Variants in WWOX observed in about 807,000 individuals in gnomAD.
WWOX encodes WW domain containing oxidoreductase.
In WWOX, 69 loss-of-function variants were observed where a neutral mutation model predicts 46.2. The ratio of observed to expected loss-of-function variants is 1.49; its 90% CI spans 1.23 to 1.82. The LOEUF is 1.82. Ranked by LOEUF, WWOX falls within the 40% of genes most tolerant of loss-of-function variation. WWOX has a pLI of 0.00. For missense variants in WWOX, 919 were observed against 542.6 expected (o/e 1.69, Z -6.89); for synonymous variants, 359 against 202.6 (o/e 1.77, Z -6.56).
At chr16:78,457,555 A>G (rs374762694) in intron 8 of WWOX, among the ~76,000 whole-genome samples, 237 of 152,186 alleles carry the variant, frequency 1.6e-3, no homozygotes, top group African/African-American at 5.5e-3. Context: ...GGAAATCTTA[A>G]CAGCCGTTTT....
chr16:79,026,703 C>G (rs756266569), intron 8 of WWOX, among the ~76,000 whole-genome samples: 27 of 149,110 alleles, frequency 1.8e-4, no homozygotes, highest in Non-Finnish European at 3.0e-4. Context: ...CTGCAACCTC[C>G]GCCTCCCGGG....
intron 8 of WWOX, among the ~76,000 whole-genome samples, chr16:78,540,717 C>T (rs868165510): frequency 4.6e-5 from 7 of 151,878 alleles, no homozygotes; most frequent in African/African-American, 1.7e-4. Context: ...AATGGGGTCT[C>T]ATTCTGTTGC....
At chr16:78,906,752 T>A (rs2044975845) in intron 8 of WWOX, among the ~76,000 whole-genome samples, 1 of 152,182 alleles carries the variant, frequency 6.6e-6, no homozygotes, top group Non-Finnish European at 1.5e-5. Context: ...TCCTTTAACT[T>A]GAAATTGTTT....
intron 5 of WWOX, among the ~76,000 whole-genome samples, chr16:78,343,937 G>A (rs534398006): frequency 8.3e-6 from 1 of 120,502 alleles, no homozygotes; most frequent in Admixed American, 8.1e-5. Flanking sequence ...TAGTCTAAAT[G>A]TGGTTGCATC....
At chr16:78,866,888 ATCAGGGC>A (rs1331181337) in intron 8 of WWOX, among the ~76,000 whole-genome samples, 13 of 152,226 alleles carry the variant, frequency 8.5e-5, no homozygotes, top group African/African-American at 3.1e-4. Flanking sequence ...AGCCTGCAGC[ATCAGGGC>A]TGAGGAGCAA....
chr16:78,259,886 A>G lies in WWOX; in HGVS notation c.516+95597A>G, dbSNP rs139415820. 5.3e-5 allele frequency among the ~76,000 whole-genome samples: 8 copies of G among 151,554 alleles called. 1 individual carries two copies. Among genetic ancestry groups the G allele is most frequent in the African/African-American group, 1.7e-4 (7 of 41,200 alleles). ...ATGTTTATGCTTATATTATTTATAG[A>G]CTTTTAAAAAACTTAAAATATTTAA... On this transcript the variant is annotated intron_variant, in intron 5 of 8. Transcript: ENST00000566780.
chr16:78,464,002 G>A (rs1050060239), intron 8 of WWOX, among the ~76,000 whole-genome samples: 1 of 152,156 alleles, frequency 6.6e-6, no homozygotes, highest in East Asian at 1.9e-4. Context: ...TGATCTGGCG[G>A]TCAGAACCTA....
intron 5 of WWOX, among the ~76,000 whole-genome samples, chr16:78,268,814 TA>T (rs2079419247): frequency 6.6e-6 from 1 of 152,200 alleles, no homozygotes; most frequent in Non-Finnish European, 1.5e-5. Context: ...TTTTTAATTA[TA>T]AAAGAACATT....
intron 1 of WWOX, among the ~76,000 whole-genome samples, chr16:78,106,427 T>TTTG (rs978464197): frequency 1.4e-5 from 2 of 147,090 alleles, no homozygotes; most frequent in Non-Finnish European, 3.0e-5. Flanking sequence ...TTTTGTTTTT[T>TTTG]TTTTTTTTTT....
chr16:78,326,035 A>C (rs928203777), intron 5 of WWOX, among the ~76,000 whole-genome samples: 1 of 152,174 alleles, frequency 6.6e-6, no homozygotes, highest in African/African-American at 2.4e-5. Flanking sequence ...GTTATCTAGC[A>C]TTGTACCCTT....
chr16:78,251,680 C>T (rs1454414405), intron 5 of WWOX, among the ~76,000 whole-genome samples: 11 of 152,194 alleles, frequency 7.2e-5, no homozygotes, highest in Admixed American at 7.2e-4. Flanking sequence ...GCTTTGGGAA[C>T]ACATGGTGTC....
At chr16:78,587,801 A>G (rs182426457) in intron 8 of WWOX, among the ~76,000 whole-genome samples, 46 of 152,258 alleles carry the variant, frequency 3.0e-4, no homozygotes, top group African/African-American at 9.9e-4. Flanking sequence ...TTAGGCCAGG[A>G]CTTTTTCCTG....
chr16:79,123,309 C>G (rs1014214642), intron 8 of WWOX, among the ~76,000 whole-genome samples: 15 of 152,136 alleles, frequency 9.9e-5, no homozygotes, highest in African/African-American at 3.6e-4. Flanking sequence ...CTAGGATTAC[C>G]AACGTAGGCG....
At position 78,251,199 on chromosome 16, in the gene WWOX, T is replaced by TAGG. The variant is rs760949810; in HGVS notation, c.516+86921_516+86923dup. Among the ~76,000 whole-genome samples, 270 of 152,298 alleles carry TAGG rather than the reference T, an allele frequency of 1.8e-3. 3 individuals are homozygous for TAGG. Among genetic ancestry groups the TAGG allele is most frequent in the Non-Finnish European group, 2.8e-3 (193 of 68,020 alleles). On this transcript the variant is annotated intron_variant, in intron 5 of 8. Transcript: ENST00000566780. The stretch of plus-strand genomic sequence containing the variant: ...CTAATGTGGCTGCACTAGATGCTGT[T>TAGG]AGGAGGAGGAGGAAGCCTACTTTTG...
intron 5 of WWOX, among the ~76,000 whole-genome samples, chr16:78,223,105 G>A (rs1333487552): frequency 6.6e-6 from 1 of 152,182 alleles, no homozygotes; most frequent in African/African-American, 2.4e-5. Context: ...TTGGGTACCT[G>A]CTGCTTGTAG....
chr16:78,797,045 G>A (rs919575078), intron 8 of WWOX, among the ~76,000 whole-genome samples: 1 of 152,004 alleles, frequency 6.6e-6, no homozygotes, highest in African/African-American at 2.4e-5. Context: ...AGTCTGGTCT[G>A]GAACACCTGA....
At chr16:78,245,436 C>G (rs1345477605) in intron 5 of WWOX, among the ~76,000 whole-genome samples, 1 of 152,184 alleles carries the variant, frequency 6.6e-6, no homozygotes, top group Non-Finnish European at 1.5e-5. Flanking sequence ...GGTACAAACG[C>G]TTGAGAAGTC....
intron 4 of WWOX, among the ~76,000 whole-genome samples, chr16:78,143,767 T>C (rs2034070722): frequency 6.6e-6 from 1 of 151,222 alleles, no homozygotes; most frequent in African/African-American, 2.4e-5. Flanking sequence ...TTTTTTTTTT[T>C]TTTTGGTGGT....
intron 8 of WWOX, among the ~76,000 whole-genome samples, chr16:78,867,304 C>T (rs2044024907): frequency 6.6e-6 from 1 of 152,140 alleles, no homozygotes; most frequent in East Asian, 1.9e-4. Flanking sequence ...CGTCTATTTT[C>T]ATATCCCTTT....
Sources: allele counts gnomAD v4.1 joint callset (sites outside exome capture counted in the v4.1 genomes callset), GRCh38; gene constraint gnomAD v4.1.1; transcripts MANE v1.5; gene names NCBI Gene and HGNC (gene_info 2026-07-23, HGNC 2026-07-21).